AKT3: variants seen among roughly 807,000 people sequenced by gnomAD.
AKT3 encodes the protein RAC-gamma serine/threonine-protein kinase.
A neutral mutation model predicts 65.3 loss-of-function variants in AKT3; 15 were observed. That is an observed-to-expected ratio of 0.23 (90% CI 0.15 to 0.35). The LOEUF is 0.35. Among genes scored for constraint, AKT3 ranks in the 10% least tolerant of loss-of-function variants. AKT3 has a pLI of 1.00. For missense variants in AKT3, 243 were observed against 576.5 expected, an observed-to-expected ratio of 0.42 and a Z score of 5.92; for synonymous variants, 206 against 183.8, an observed-to-expected ratio of 1.12 and a Z score of -0.98.
At chr1:243,834,258 A>G (rs1694742861) in intron 2 of AKT3, among the ~76,000 whole-genome samples, 1 of 152,206 alleles carries the variant, frequency 6.6e-6, no homozygotes, top group Non-Finnish European at 1.5e-5. Context: ...ACACAGAATC[A>G]ACCTAAATGC....
intron 2 of AKT3, among the ~76,000 whole-genome samples, chr1:243,826,057 G>A (rs370154870): frequency 5.3e-5 from 8 of 151,836 alleles, no homozygotes; most frequent in Admixed American, 3.9e-4. Context: ...ACTTGAACCC[G>A]GGAGACAAAG....
rs1462246810 is a variant in AKT3, at chr1:243,811,018, G to A, written c.46+32107C>T. On this transcript the variant is annotated intron_variant, in intron 2 of 13. Coordinates refer to ENST00000673466, the MANE Select transcript of AKT3 (RefSeq NM_005465.7). ...TCAATAAATTAGGTATTGATGGGAC[G>A]TATCTCAAAATAATAAGAGCTATTT... Among the ~76,000 whole-genome samples the A allele has an allele frequency of 6.6e-5, 10 of 152,192 alleles. No individual in the cohort carries two copies. The Middle Eastern group carries it at 0.01, about 155-fold the overall frequency.
intron 2 of AKT3, among the ~76,000 whole-genome samples, chr1:243,775,288 C>A (rs1223162991): frequency 6.6e-6 from 1 of 152,200 alleles, no homozygotes; most frequent in Admixed American, 6.5e-5. Context: ...TCACACCATG[C>A]TCCTGCCTCA....
chr1:243,546,245 TG>T (rs1225123482), intron 11 of AKT3, among the ~76,000 whole-genome samples: 3 of 152,184 alleles, frequency 2.0e-5, no homozygotes, highest in African/African-American at 7.2e-5. Flanking sequence ...CATGTGGAAC[TG>T]TAAGTCCAAT....
chr1:243,699,501 AT>A, intron 2 of AKT3, among the ~76,000 whole-genome samples: 1 of 71,158 alleles, frequency 1.4e-5, no homozygotes, highest in Non-Finnish European at 3.1e-5. Context: ...ATATATATAT[AT>A]ATATATATAT....
chr1:243,798,399 T>TC (rs1692171048), intron 2 of AKT3, among the ~76,000 whole-genome samples: 1 of 127,286 alleles, frequency 7.9e-6, no homozygotes, highest in East Asian at 2.2e-4. Flanking sequence ...TTTAATTTTT[T>TC]TTTTTTTTTT....
intron 8 of AKT3, among the ~76,000 whole-genome samples, chr1:243,605,181 C>T (rs1677302385): frequency 6.6e-6 from 1 of 151,962 alleles, no homozygotes; most frequent in Non-Finnish European, 1.5e-5. Context: ...AGGTACACAT[C>T]ACCATACATG....
chr1:243,499,966 T>C lies in AKT3; in HGVS notation c.*5283A>G, dbSNP rs1669092581. On this transcript the variant is annotated 3_prime_UTR_variant, in exon 14 of 14. Coordinates refer to ENST00000673466, the MANE Select transcript of AKT3 (RefSeq NM_005465.7). ...GCACGCAGTCGGGCTGGAGCTGGAG[T>C]CTGACTCTAGCTGAGCAGAGCTCCT... 1 of 659,542 alleles carries C rather than the reference T, an allele frequency of 1.5e-6. No individual in the cohort carries two copies. Among genetic ancestry groups the C allele is most frequent in the Non-Finnish European group, 2.8e-6 (1 of 363,462 alleles). The allele number at this position is 659,542 out of a possible 1,614,324, so 40.9% of individuals were successfully genotyped here.
chr1:243,781,071 T>G (rs886300958), intron 2 of AKT3, among the ~76,000 whole-genome samples: 1 of 152,114 alleles, frequency 6.6e-6, no homozygotes, highest in Non-Finnish European at 1.5e-5. Flanking sequence ...CCTACACTCT[T>G]GGTAACTACT....
chr1:243,587,837 G>C (rs777356543), intron 8 of AKT3, among the ~76,000 whole-genome samples: 1 of 151,990 alleles, frequency 6.6e-6, no homozygotes, highest in Non-Finnish European at 1.5e-5. Flanking sequence ...TACTAGTTAA[G>C]AACCAGAATA....
chr1:243,538,153 G>T (rs1672058869), intron 12 of AKT3, among the ~76,000 whole-genome samples: 1 of 152,108 alleles, frequency 6.6e-6, no homozygotes, highest in African/African-American at 2.4e-5. Flanking sequence ...TAACATATGT[G>T]AAAGTAAACT....
At chr1:243,628,905 T>A (rs921808113) in intron 6 of AKT3, among the ~76,000 whole-genome samples, 4 of 152,256 alleles carry the variant, frequency 2.6e-5, no homozygotes, top group Non-Finnish European at 4.4e-5. Context: ...CCTTCATGTG[T>A]GGATGTACAC....
At chr1:243,785,183 GC>G (rs974169866) in intron 2 of AKT3, among the ~76,000 whole-genome samples, 1 of 151,048 alleles carries the variant, frequency 6.6e-6, no homozygotes, top group Admixed American at 6.6e-5. Context: ...TCCTGCCTCA[GC>G]CGCAGGTGTG....
chr1:243,802,460 T>C (rs1692437234), intron 2 of AKT3, among the ~76,000 whole-genome samples: 1 of 152,190 alleles, frequency 6.6e-6, no homozygotes, highest in Non-Finnish European at 1.5e-5. Flanking sequence ...CAAAACAAAA[T>C]TTTATTGAAC....
chr1:243,831,554 T>C (rs557934032), intron 2 of AKT3, among the ~76,000 whole-genome samples: 1 of 152,274 alleles, frequency 6.6e-6, no homozygotes, highest in South Asian at 2.1e-4. Context: ...AAAGGTAATG[T>C]GATTGATTAT....
chr1:243,495,668 G>C (rs532333336), downstream of AKT3, among the ~76,000 whole-genome samples: 2 of 152,160 alleles, frequency 1.3e-5, no homozygotes, highest in Admixed American at 6.5e-5. Context: ...ACTGCCCCTC[G>C]GCTCTGTAGA....
chr1:243,737,279 G>A (rs1687897620), intron 2 of AKT3, among the ~76,000 whole-genome samples: 1 of 152,100 alleles, frequency 6.6e-6, no homozygotes, highest in Non-Finnish European at 1.5e-5. Context: ...TTCCTCATAA[G>A]GTTGCTATGA....
In AKT3 at chr1:243,504,592, T is replaced by C. The variant is rs1042557173; in HGVS notation, c.*657A>G. 5.4e-6 allele frequency: 1 copy of C among 183,556 alleles called. No homozygotes were observed. Among genetic ancestry groups the C allele is most frequent in the African/African-American group, 2.4e-5 (1 of 42,396 alleles). 11.4% of individuals were successfully genotyped at this position (183,556 alleles called of 1,614,324 possible). A position where few individuals can be genotyped will look rare whatever the true frequency, so the allele number is the denominator to read the frequency against. On this transcript the variant is annotated 3_prime_UTR_variant, in exon 14 of 14. Transcript: ENST00000673466. ...GAAGTCTCGACATCCACATGTGATA[T>C]GGGCTTCTTCTACAGTATCCACCAG...
Position 243,611,671 on chromosome 1 carries a change from CA to C in AKT3, c.696+1999del, listed in dbSNP as rs1281672065. ...TACAATCCAGCCTGAATGACAGAGC[CA>C]GACCCCATCTCAAAAAAAAAAAGAT... On this transcript the variant is annotated intron_variant, in intron 8 of 13. Transcript: ENST00000673466. Among the ~76,000 whole-genome samples the C allele has an allele frequency of 3.9e-5, 5 of 127,652 alleles. No individual in the cohort carries two copies. The East Asian group carries it at 1.1e-3, about 29-fold the overall frequency. The allele number at this position is 127,652 out of a possible 152,430, so 83.7% of individuals were successfully genotyped here. A position where few individuals can be genotyped will look rare whatever the true frequency, so the allele number is the denominator to read the frequency against.
Sources: gnomAD v4.1 joint callset for allele counts (sites outside exome capture counted in the v4.1 genomes callset) on GRCh38, gnomAD v4.1.1 for gene constraint, MANE v1.5 for transcripts, NCBI Gene and HGNC (gene_info 2026-07-23, HGNC 2026-07-21) for gene names.